The following DCC variants were observed in gnomAD, a reference collection of about 807,000 sequenced individuals.
The protein encoded by DCC is netrin receptor DCC.
DCC carries 58 observed loss-of-function variants against 172.5 expected under a neutral mutation model. The observed-to-expected ratio is 0.34, with a 90% CI of 0.27 to 0.42. The LOEUF (loss-of-function observed/expected upper bound fraction) is 0.42, where lower values mean the gene tolerates loss of function less well. Among genes scored for constraint, DCC ranks in the 10% least tolerant of loss-of-function variants. The pLI is 1.00. For synonymous variants in DCC, 709 were observed against 644.5 expected (o/e 1.10, Z -1.52); for missense variants, 1,740 against 1,791.0 (o/e 0.97, Z 0.51).
At chr18:52,877,536 G>T (rs2039421361) in intron 2 of DCC, among the ~76,000 whole-genome samples, 1 of 151,930 alleles carries the variant, frequency 6.6e-6, no homozygotes, top group South Asian at 2.1e-4. Flanking sequence ...TGGTAAGACT[G>T]TCTCTATAAA....
chr18:52,558,852 C>A (rs764556843), intron 1 of DCC, among the ~76,000 whole-genome samples: 3 of 152,148 alleles, frequency 2.0e-5, no homozygotes, highest in Non-Finnish European at 4.4e-5. Context: ...CTGGTGAACA[C>A]ATAGTTAGAA....
chr18:53,098,630 A>G (rs1002543563), intron 7 of DCC, among the ~76,000 whole-genome samples: 2 of 152,178 alleles, frequency 1.3e-5, no homozygotes, highest in East Asian at 3.9e-4. Flanking sequence ...AATTTGTCCC[A>G]TGATTGATGG....
chr18:53,357,698 C>T (rs187796905), intron 15 of DCC, among the ~76,000 whole-genome samples: 162 of 152,242 alleles, frequency 1.1e-3, no homozygotes, highest in African/African-American at 3.7e-3. Flanking sequence ...TGAAAGAAGT[C>T]ATTTAATGGT....
chr18:52,652,842 G>A (rs531322142), intron 1 of DCC, among the ~76,000 whole-genome samples: 3 of 152,028 alleles, frequency 2.0e-5, no homozygotes, highest in Non-Finnish European at 2.9e-5. Flanking sequence ...TGGTTATGGG[G>A]ACATAGGCAG....
chr18:52,771,099 G>T (rs1568092449), intron 2 of DCC, among the ~76,000 whole-genome samples: 1 of 152,064 alleles, frequency 6.6e-6, no homozygotes, highest in Admixed American at 6.6e-5. Context: ...TGAGGTTTAC[G>T]TTCATGCCTC....
At chr18:52,438,101 GT>G (rs1395823984) in intron 1 of DCC, among the ~76,000 whole-genome samples, 1 of 152,130 alleles carries the variant, frequency 6.6e-6, no homozygotes, top group African/African-American at 2.4e-5. Context: ...ACCATTCCCA[GT>G]TTCAAAAAAC....
intron 4 of DCC, among the ~76,000 whole-genome samples, chr18:52,924,809 G>A (rs1227076815): frequency 6.6e-6 from 1 of 151,966 alleles, no homozygotes; most frequent in Non-Finnish European, 1.5e-5. Context: ...TGTGTTCTCT[G>A]CGTATAGCCA....
intron 3 of DCC, 81 bp from the exon 4 acceptor site, chr18:52,923,625 TG>T (rs1200714345): frequency 1.8e-6 from 2 of 1,129,970 alleles, no homozygotes; most frequent in African/African-American, 3.1e-5. Context: ...TTCCATCTTT[TG>T]TTAGGAAAAA....
At chr18:52,824,796 C>A (rs1159501380) in intron 2 of DCC, among the ~76,000 whole-genome samples, 3 of 152,006 alleles carry the variant, frequency 2.0e-5, no homozygotes, top group Non-Finnish European at 2.9e-5. Flanking sequence ...CATAGCGAAA[C>A]CCCGTCTCTA....
chr18:53,248,103 G>T (rs1411576694), intron 12 of DCC, among the ~76,000 whole-genome samples: 1 of 151,964 alleles, frequency 6.6e-6, no homozygotes, highest in African/African-American at 2.4e-5. Flanking sequence ...GGTTAATGTT[G>T]GGTGTTCCAT....
chr18:52,813,024 G>T (rs1281084857), intron 2 of DCC, among the ~76,000 whole-genome samples: 1 of 152,136 alleles, frequency 6.6e-6, no homozygotes, highest in African/African-American at 2.4e-5. Flanking sequence ...GAAACACATG[G>T]CTTCTGAAAC....
chr18:53,148,795 A>G (rs1383659701), intron 7 of DCC, among the ~76,000 whole-genome samples: 1 of 151,828 alleles, frequency 6.6e-6, no homozygotes, highest in Non-Finnish European at 1.5e-5. Flanking sequence ...TTCCTTCCAC[A>G]GACGAAGCAT....
chr18:53,111,726 T>A (rs942467493), intron 7 of DCC, among the ~76,000 whole-genome samples: 16 of 151,702 alleles, frequency 1.1e-4, no homozygotes, highest in Non-Finnish European at 1.9e-4. Flanking sequence ...TTGTACATTT[T>A]CCCTGGAAAC....
intron 12 of DCC, among the ~76,000 whole-genome samples, chr18:53,282,146 T>C (rs2056879852): frequency 6.6e-6 from 1 of 152,174 alleles, no homozygotes; most frequent in Non-Finnish European, 1.5e-5. Context: ...AGGTTATTAT[T>C]TACTGATAGA....
rs369796631 is a variant in DCC at position 52,641,780 on chromosome 18, G to T, written c.92-110274G>T. ...ACACTGCTGGTGGGAATGTAAACTA[G>T]CACAGCCGCCATGGAAAACAGTGTG... On this transcript the variant is annotated intron_variant, in intron 1 of 28. Coordinates refer to ENST00000442544, the MANE Select transcript of DCC (RefSeq NM_005215.4). Among the ~76,000 whole-genome samples the T allele has an allele frequency of 2.6e-5, 4 of 151,958 alleles. No individual in the cohort carries two copies. The East Asian group carries it at 5.8e-4, about 22-fold the overall frequency.
chr18:52,866,637 T>A (rs1230007392), intron 2 of DCC, among the ~76,000 whole-genome samples: 1 of 152,216 alleles, frequency 6.6e-6, no homozygotes, highest in Admixed American at 6.5e-5. Context: ...TATTTTACTC[T>A]CTTTGTAGCA....
At chr18:52,654,875 A>G (rs984962343) in intron 1 of DCC, among the ~76,000 whole-genome samples, 1 of 152,094 alleles carries the variant, frequency 6.6e-6, no homozygotes, top group Non-Finnish European at 1.5e-5. Context: ...GTTTCTTCAA[A>G]ATTAAGGACC....
At chr18:53,338,144 A>G (rs1319675672) in intron 14 of DCC, among the ~76,000 whole-genome samples, 1 of 152,198 alleles carries the variant, frequency 6.6e-6, no homozygotes, top group Admixed American at 6.5e-5. Context: ...TAGCCAATCA[A>G]AATATTTACC....
In DCC at chr18:53,185,824, A is replaced by G. The variant is rs73960217; in HGVS notation, c.1573+6708A>G. Among the ~76,000 whole-genome samples the G allele has an allele frequency of 7.9e-3, 1,201 of 152,358 alleles. 22 individuals are homozygous for G. The highest frequency in any genetic ancestry group is 0.028 in the African/African-American group (1,157 of 41,586). ...TTCACAGATTTCATCTCCCTGAACA[A>G]AATTGTTCAGTTTTGTTCAAAACAA... On this transcript the variant is annotated intron_variant, in intron 9 of 28. Transcript: ENST00000442544.
Sources: allele counts gnomAD v4.1 joint callset (sites outside exome capture counted in the v4.1 genomes callset), GRCh38; gene constraint gnomAD v4.1.1; transcripts MANE v1.5; gene names NCBI Gene and HGNC (gene_info 2026-07-23, HGNC 2026-07-21).